Variants in CALN1 observed in about 807,000 individuals in gnomAD.
The protein encoded by CALN1 is calcium-binding protein 8.
Under a neutral mutation model 30.6 loss-of-function variants are expected in CALN1, and 17 were observed. The observed-to-expected ratio is 0.56, with a 90% CI of 0.38 to 0.83. The LOEUF (loss-of-function observed/expected upper bound fraction) is 0.83, where lower values mean the gene tolerates loss of function less well. CALN1 is among the 40% of genes least tolerant of loss of function. The pLI, the probability that CALN1 is intolerant of heterozygous loss-of-function variation, is 0.00. For missense variants in CALN1, 291 were observed against 354.9 expected, an observed-to-expected ratio of 0.82 and a Z score of 1.45; for synonymous variants, 156 against 131.4, an observed-to-expected ratio of 1.19 and a Z score of -1.28.
chr7:72,485,215 A>G, the CALN1 span, among the ~76,000 whole-genome samples: 93 of 152,306 alleles, frequency 6.1e-4, 1 homozygote, highest in East Asian at 0.017. Flanking sequence ...TGATTGAGCC[A>G]CTGTACCCCA....
chr7:72,165,800 A>G (rs1788481968), intron 3 of CALN1, among the ~76,000 whole-genome samples: 1 of 151,906 alleles, frequency 6.6e-6, no homozygotes. Flanking sequence ...GGGAAGAAGG[A>G]AATGAATTGT....
At chr7:72,287,409 T>A (rs1798154116) in intron 2 of CALN1, among the ~76,000 whole-genome samples, 1 of 151,316 alleles carries the variant, frequency 6.6e-6, no homozygotes, top group South Asian at 2.1e-4. Context: ...GAGATCTATC[T>A]AAATCCATAC....
At chr7:72,102,456 A>G (rs1298497505) in intron 4 of CALN1, among the ~76,000 whole-genome samples, 1 of 152,148 alleles carries the variant, frequency 6.6e-6, no homozygotes, top group African/African-American at 2.4e-5. Context: ...CGCAAATTTT[A>G]AAAACACTAC....
intron 3 of CALN1, among the ~76,000 whole-genome samples, chr7:72,236,271 T>C (rs1230962190): frequency 6.6e-6 from 1 of 152,094 alleles, no homozygotes; most frequent in Non-Finnish European, 1.5e-5. Context: ...TATCATTAAG[T>C]GTTTAAGGAA....
intron 2 of CALN1, among the ~76,000 whole-genome samples, chr7:72,330,877 C>T (rs1288506224): frequency 3.3e-5 from 5 of 152,136 alleles, no homozygotes; most frequent in Admixed American, 6.5e-5. Context: ...TAGTCTTGCT[C>T]GGACTTCGAT....
intron 3 of CALN1, among the ~76,000 whole-genome samples, chr7:72,244,746 G>A (rs1286112849): frequency 6.6e-6 from 1 of 151,884 alleles, no homozygotes; most frequent in Non-Finnish European, 1.5e-5. Flanking sequence ...TAAGTAGCTT[G>A]CAGGCAGAAA....
intron 2 of CALN1, among the ~76,000 whole-genome samples, chr7:72,300,571 G>A (rs568994990): frequency 6.6e-6 from 1 of 152,108 alleles, no homozygotes; most frequent in East Asian, 1.9e-4. Context: ...ACTCTAATAC[G>A]TGTTTCAACT....
At chr7:71,873,170 A>AT (rs1400002484) in intron 5 of CALN1, among the ~76,000 whole-genome samples, 1 of 151,402 alleles carries the variant, frequency 6.6e-6, no homozygotes, top group Non-Finnish European at 1.5e-5. Context: ...CGCCTGGCTA[A>AT]TTTTTTTATT....
At chr7:71,793,959 C>T (rs1349318926) in intron 6 of CALN1, among the ~76,000 whole-genome samples, 1 of 152,164 alleles carries the variant, frequency 6.6e-6, no homozygotes. Context: ...TGTTTGTGCC[C>T]AATGAATGCG....
intron 4 of CALN1, among the ~76,000 whole-genome samples, chr7:72,033,525 C>T (rs185781159): frequency 9.9e-4 from 150 of 152,188 alleles, no homozygotes; most frequent in African/African-American, 2.6e-3. Context: ...AAGTCAGGAA[C>T]GCAGGGTCCA....
At chr7:71,992,381 A>G (rs1799000434) in intron 5 of CALN1, among the ~76,000 whole-genome samples, 1 of 152,160 alleles carries the variant, frequency 6.6e-6, no homozygotes, top group African/African-American at 2.4e-5. Flanking sequence ...TTCTTAGAGA[A>G]AGAGCCTCAT....
chr7:72,049,390 T>G (rs898367747), intron 4 of CALN1, among the ~76,000 whole-genome samples: 1 of 152,226 alleles, frequency 6.6e-6, no homozygotes, highest in Non-Finnish European at 1.5e-5. Context: ...AAGGGAAGAC[T>G]TTCATGTGCT....
At chr7:72,454,756 A>C in the CALN1 span, among the ~76,000 whole-genome samples, 98,792 of 151,820 alleles carry the variant, frequency 0.65, 32,585 homozygotes, top group African/African-American at 0.71. Flanking sequence ...TCTTAGAAAT[A>C]CGGCCCTCAG....
At chr7:71,906,307 T>C (rs916907019) in intron 5 of CALN1, among the ~76,000 whole-genome samples, 13 of 152,042 alleles carry the variant, frequency 8.6e-5, no homozygotes, top group African/African-American at 3.1e-4. Context: ...GGAAGTGCAA[T>C]TTAGAGGTAG....
chr7:72,144,195 G>C (rs571117206), intron 3 of CALN1, among the ~76,000 whole-genome samples: 1 of 152,116 alleles, frequency 6.6e-6, no homozygotes. Flanking sequence ...TGGATAAAGA[G>C]TCAAGACCCA....
At chr7:72,359,844 G>GC (rs1057343937) in intron 2 of CALN1, among the ~76,000 whole-genome samples, 1 of 151,858 alleles carries the variant, frequency 6.6e-6, no homozygotes, top group African/African-American at 2.4e-5. Flanking sequence ...GGACGTGGTG[G>GC]CGGGCGCCTG....
intron 5 of CALN1, among the ~76,000 whole-genome samples, chr7:71,857,578 G>A (rs1791029404): frequency 6.6e-6 from 1 of 151,962 alleles, no homozygotes; most frequent in Non-Finnish European, 1.5e-5. Context: ...CTGTCTCACC[G>A]ACTCCTCTTC....
chr7:72,267,443 C>T (rs1286137250), intron 3 of CALN1, among the ~76,000 whole-genome samples: 1 of 152,198 alleles, frequency 6.6e-6, no homozygotes, highest in African/African-American at 2.4e-5. Flanking sequence ...AAAAATATCT[C>T]TCCACCCACT....
At chr7:72,352,008 G>A (rs1481591532) in intron 2 of CALN1, among the ~76,000 whole-genome samples, 2 of 152,164 alleles carry the variant, frequency 1.3e-5, no homozygotes, top group Non-Finnish European at 2.9e-5. Flanking sequence ...GCCAGGTGTG[G>A]TGGCTCATGC....
Sources: allele counts gnomAD v4.1 joint callset (sites outside exome capture counted in the v4.1 genomes callset), GRCh38; gene constraint gnomAD v4.1.1; transcripts MANE v1.5; gene names NCBI Gene and HGNC (gene_info 2026-07-23, HGNC 2026-07-21).